TENM3: variants seen among roughly 807,000 people sequenced by gnomAD.
TENM3 encodes teneurin transmembrane protein 3.
In TENM3, 63 loss-of-function variants were observed where a neutral mutation model predicts 255.1. The observed-to-expected ratio is 0.25, with a 90% confidence interval of 0.20 to 0.30. TENM3 has a LOEUF of 0.30. TENM3 is among the 10% of genes least tolerant of loss of function. The probability of loss-of-function intolerance (pLI) is 1.00; values close to 1 mark genes in which losing one functional copy is unlikely to be tolerated. For missense variants in TENM3, 2,929 were observed against 3,461.1 expected (o/e 0.85, Z 3.86); for synonymous variants, 1,306 against 1,322.3 (o/e 0.99, Z 0.27).
chr4:181,628,636 A>G, the TENM3 span, among the ~76,000 whole-genome samples: 6 of 152,086 alleles, frequency 3.9e-5, no homozygotes, highest in African/African-American at 1.4e-4. Flanking sequence ...TGAAGATCAG[A>G]TGGTTGTAGA....
chr4:182,642,059 A>G (rs1429093971), intron 5 of TENM3, among the ~76,000 whole-genome samples: 1 of 152,170 alleles, frequency 6.6e-6, no homozygotes, highest in Non-Finnish European at 1.5e-5. Flanking sequence ...CTGTATTTTG[A>G]ATGTTATTGA....
the TENM3 span, among the ~76,000 whole-genome samples, chr4:182,036,248 A>G: frequency 6.6e-6 from 1 of 152,116 alleles, no homozygotes; most frequent in East Asian, 1.9e-4. Flanking sequence ...CTGGAGTGCA[A>G]TGCATGATCT....
chr4:181,539,932 T>A, the TENM3 span, among the ~76,000 whole-genome samples: 18 of 152,192 alleles, frequency 1.2e-4, no homozygotes, highest in Admixed American at 1.0e-3. Flanking sequence ...TCAAAATTCC[T>A]CCTTGAAATA....
the TENM3 span, among the ~76,000 whole-genome samples, chr4:181,664,481 A>C: frequency 7.8e-6 from 1 of 128,328 alleles, no homozygotes; most frequent in Non-Finnish European, 1.7e-5. Flanking sequence ...AAAAATAAAA[A>C]AAAACAAAAC....
the TENM3 span, among the ~76,000 whole-genome samples, chr4:181,771,211 AAGAG>A: frequency 6.6e-6 from 1 of 152,370 alleles, no homozygotes; most frequent in East Asian, 1.9e-4. Context: ...CAGAAATAGA[AAGAG>A]AGGAATTCCA....
At chr4:182,452,086 A>T (rs768733984) in intron 3 of TENM3, among the ~76,000 whole-genome samples, 5 of 152,230 alleles carry the variant, frequency 3.3e-5, no homozygotes, top group Non-Finnish European at 7.3e-5. Context: ...GTGAAAATCT[A>T]TATGTATACA....
intron 3 of TENM3, among the ~76,000 whole-genome samples, chr4:182,456,748 A>G (rs1773904545): frequency 6.6e-6 from 1 of 152,218 alleles, no homozygotes. Context: ...TTGTGTTACC[A>G]GAAGATTAAT....
the TENM3 span, among the ~76,000 whole-genome samples, chr4:181,961,576 C>T: frequency 2.6e-5 from 4 of 151,968 alleles, no homozygotes; most frequent in Admixed American, 6.6e-5. Context: ...CCCGCCACCA[C>T]GTCCGGCTAA....
chr4:181,789,582 G>A, the TENM3 span, among the ~76,000 whole-genome samples: 1 of 152,026 alleles, frequency 6.6e-6, no homozygotes, highest in Non-Finnish European at 1.5e-5. Context: ...TTATGCTCAT[G>A]AAGGACTTAG....
At chr4:182,408,342 C>T (rs1210431675) in intron 3 of TENM3, among the ~76,000 whole-genome samples, 1 of 152,168 alleles carries the variant, frequency 6.6e-6, no homozygotes. Context: ...TCTTCTGTGA[C>T]AATAAAATGT....
the TENM3 span, among the ~76,000 whole-genome samples, chr4:181,660,139 C>T: frequency 5.9e-5 from 9 of 152,116 alleles, no homozygotes; most frequent in East Asian, 5.8e-4. Context: ...AGCAATGAAA[C>T]GTTCCTAATT....
chr4:182,358,950 G>A (rs534795918), intron 3 of TENM3, among the ~76,000 whole-genome samples: 1 of 151,960 alleles, frequency 6.6e-6, no homozygotes, highest in Non-Finnish European at 1.5e-5. Context: ...TTTTGTCAAA[G>A]GCCTTTCCTG....
chr4:182,026,054 C>T, the TENM3 span, among the ~76,000 whole-genome samples: 4 of 152,152 alleles, frequency 2.6e-5, no homozygotes, highest in African/African-American at 9.7e-5. Context: ...CAACTCCCAC[C>T]TATGAGTGAG....
At chr4:182,177,215 G>T (rs1752552411) in intron 1 of TENM3, among the ~76,000 whole-genome samples, 1 of 152,152 alleles carries the variant, frequency 6.6e-6, no homozygotes, top group Middle Eastern at 3.4e-3. Flanking sequence ...GTTACCATCT[G>T]CATTGCCAGA....
At chr4:182,474,865 A>G (rs1580679316) in intron 3 of TENM3, among the ~76,000 whole-genome samples, 1 of 152,060 alleles carries the variant, frequency 6.6e-6, no homozygotes, top group Non-Finnish European at 1.5e-5. Context: ...GTGTGCCTCT[A>G]GCTTTGCATT....
Position 182,728,954 on chromosome 4 carries a change from T to C in TENM3, c.2369-11T>C, listed in dbSNP as rs910750009. On this transcript the variant is annotated splice_polypyrimidine_tract_variant and intron_variant, in intron 13 of 27. Transcript: ENST00000511685. Reference sequence around the variant, plus strand: ...GAAAATTCTCTTACTGGGGAACATTTCTCTCTACAGATGGACTCATTGACT... The same window carrying C: ...GAAAATTCTCTTACTGGGGAACATTCCTCTCTACAGATGGACTCATTGACT... 3.1e-6 allele frequency: 5 copies of C among 1,611,168 alleles called. No homozygotes were observed. The African/African-American group carries it at 6.7e-5, about 22-fold the overall frequency.
At chr4:182,599,895 AAG>A in intron 3 of TENM3, among the ~76,000 whole-genome samples, 1 of 152,216 alleles carries the variant, frequency 6.6e-6, no homozygotes, top group Non-Finnish European at 1.5e-5. Context: ...CATTAAATTA[AAG>A]AGTCATCTAT....
At chr4:181,453,262 GA>G in the TENM3 span, among the ~76,000 whole-genome samples, 1 of 152,170 alleles carries the variant, frequency 6.6e-6, no homozygotes, top group Non-Finnish European at 1.5e-5. Context: ...TAAAGGTCCT[GA>G]TGGAGTCGAA....
the TENM3 span, among the ~76,000 whole-genome samples, chr4:181,871,300 G>C: frequency 6.6e-6 from 1 of 151,956 alleles, no homozygotes; most frequent in Non-Finnish European, 1.5e-5. Flanking sequence ...TTGAGATTTT[G>C]ATTGACATTA....
Sources: allele counts gnomAD v4.1 joint callset (sites outside exome capture counted in the v4.1 genomes callset), GRCh38; gene constraint gnomAD v4.1.1; transcripts MANE v1.5; gene names NCBI Gene and HGNC (gene_info 2026-07-23, HGNC 2026-07-21).